The following NTRK3 variants were observed in gnomAD, a reference collection of about 807,000 sequenced individuals.
NTRK3 encodes the protein NT-3 growth factor receptor.
A neutral mutation model predicts 91.7 loss-of-function variants in NTRK3; 24 were observed. The ratio of observed to expected loss-of-function variants is 0.26; its 90% CI spans 0.19 to 0.37. The LOEUF (loss-of-function observed/expected upper bound fraction) is 0.37. Among genes scored for constraint, NTRK3 ranks in the 10% least tolerant of loss-of-function variants. The pLI is 1.00. For missense variants in NTRK3, 880 were observed against 1,068.9 expected (o/e 0.82, Z 2.46); for synonymous variants, 483 against 404.0 (o/e 1.20, Z -2.34).
intron 13 of NTRK3, among the ~76,000 whole-genome samples, chr15:88,065,543 T>C (rs147242666): frequency 4.6e-5 from 7 of 152,220 alleles, no homozygotes; most frequent in African/African-American, 1.7e-4. Context: ...ACTGGGCAGA[T>C]ACCCCAGAAT....
chr15:88,120,254 C>T (rs554680028), intron 13 of NTRK3, among the ~76,000 whole-genome samples: 35 of 152,368 alleles, frequency 2.3e-4, no homozygotes, highest in African/African-American at 7.5e-4. Context: ...AATCAAGACT[C>T]TGGCAGGATT....
At chr15:87,931,190 G>T (rs989811) in intron 16 of NTRK3, 1 of 517,504 alleles carries the variant, frequency 1.9e-6, no homozygotes, top group African/African-American at 1.9e-5. Context: ...GAGGCACCTA[G>T]GAGCTTTCTT....
intron 14 of NTRK3, among the ~76,000 whole-genome samples, chr15:88,011,648 G>A (rs904288142): frequency 6.6e-6 from 1 of 152,148 alleles, no homozygotes; most frequent in African/African-American, 2.4e-5. Flanking sequence ...TCCTGGCAGT[G>A]TATGCATGAG....
chr15:88,166,399 T>G (rs1206672772), intron 5 of NTRK3, among the ~76,000 whole-genome samples: 1 of 152,162 alleles, frequency 6.6e-6, no homozygotes, highest in Non-Finnish European at 1.5e-5. Flanking sequence ...GCCAAGGCAG[T>G]GGCATTCGCT....
At chr15:88,155,817 TATC>T (rs2043839065) in intron 5 of NTRK3, among the ~76,000 whole-genome samples, 1 of 147,410 alleles carries the variant, frequency 6.8e-6, no homozygotes, top group Non-Finnish European at 1.5e-5. Flanking sequence ...TCTATCTATC[TATC>T]TATCTATCTA....
chr15:88,236,761 C>T (rs1187012930), intron 3 of NTRK3, among the ~76,000 whole-genome samples: 13 of 141,926 alleles, frequency 9.2e-5, no homozygotes, highest in African/African-American at 3.1e-4. Flanking sequence ...CCAAAAGCTA[C>T]CAAAATTAAA....
intron 14 of NTRK3, among the ~76,000 whole-genome samples, chr15:87,999,792 A>C (rs1319159361): frequency 6.6e-6 from 1 of 152,222 alleles, no homozygotes; most frequent in Admixed American, 6.5e-5. Flanking sequence ...TTACTAAAGA[A>C]TACAAATGAT....
intron 14 of NTRK3, among the ~76,000 whole-genome samples, chr15:87,974,922 C>T (rs1421545478): frequency 6.6e-6 from 1 of 152,100 alleles, no homozygotes; most frequent in East Asian, 1.9e-4. Context: ...ACAATCATAG[C>T]CTTCCAGGAG....
At chr15:87,997,710 T>A (rs895350792) in intron 14 of NTRK3, among the ~76,000 whole-genome samples, 3 of 152,152 alleles carry the variant, frequency 2.0e-5, no homozygotes, top group African/African-American at 7.2e-5. Flanking sequence ...AAATATGAAA[T>A]TGAGGTACGT....
At chr15:88,041,553 T>C (rs1037456398) in intron 13 of NTRK3, among the ~76,000 whole-genome samples, 10 of 152,138 alleles carry the variant, frequency 6.6e-5, no homozygotes, top group South Asian at 2.1e-4. Context: ...TCACATTCCC[T>C]TTTTCCTGGG....
At chr15:88,110,678 G>A (rs560812282) in intron 13 of NTRK3, among the ~76,000 whole-genome samples, 2 of 152,314 alleles carry the variant, frequency 1.3e-5, no homozygotes, top group Non-Finnish European at 2.9e-5. Flanking sequence ...GTGCTACAGA[G>A]GGAAGGTGCA....
At chr15:88,180,213 G>A (rs2046337344) in intron 5 of NTRK3, among the ~76,000 whole-genome samples, 2 of 152,248 alleles carry the variant, frequency 1.3e-5, no homozygotes, top group Middle Eastern at 3.4e-3. Flanking sequence ...TTGGCATACA[G>A]CTATTGCAAT....
chr15:88,184,221 T>C lies in NTRK3; in HGVS notation c.323+4A>G, dbSNP rs1006531098. Reference sequence around the variant, plus strand: ...AAGGCCTCTCTGTGGCCGGGTGTACTCACAGCTTTTGAAGTCCGGTGTAGA... The same window carrying C: ...AAGGCCTCTCTGTGGCCGGGTGTACCCACAGCTTTTGAAGTCCGGTGTAGA... On this transcript the variant is annotated splice_donor_region_variant and intron_variant, in intron 4 of 18. Coordinates refer to ENST00000394480, the Ensembl canonical transcript of NTRK3. The C allele has an allele frequency of 6.2e-7, 1 of 1,614,064 alleles. No homozygotes were observed. Among genetic ancestry groups the C allele is most frequent in the South Asian group, 1.1e-5 (1 of 91,046 alleles).
At chr15:87,887,203 T>C (rs1007010648) in intron 17 of NTRK3, among the ~76,000 whole-genome samples, 2 of 152,172 alleles carry the variant, frequency 1.3e-5, no homozygotes, top group Non-Finnish European at 2.9e-5. Flanking sequence ...TAATTGGTCA[T>C]GGAGACTCCC....
At chr15:88,043,963 C>T (rs146317193) in intron 13 of NTRK3, among the ~76,000 whole-genome samples, 1 of 152,266 alleles carries the variant, frequency 6.6e-6, no homozygotes, top group African/African-American at 2.4e-5. Flanking sequence ...TTTCTAAGTA[C>T]ACATGGAGTC....
intron 14 of NTRK3, among the ~76,000 whole-genome samples, chr15:88,025,951 T>C (rs2141942516): frequency 6.6e-6 from 1 of 152,220 alleles, no homozygotes; most frequent in East Asian, 1.9e-4. Flanking sequence ...AGAAAGACTT[T>C]GTCTCAAAAA....
chr15:88,207,999 G>A (rs1420761808), intron 3 of NTRK3, among the ~76,000 whole-genome samples: 2 of 152,054 alleles, frequency 1.3e-5, no homozygotes, highest in Non-Finnish European at 2.9e-5. Context: ...CCAAAGGCAT[G>A]AGGCAAGTAA....
intron 5 of NTRK3, among the ~76,000 whole-genome samples, chr15:88,156,998 G>C (rs1179704616): frequency 6.6e-6 from 1 of 152,076 alleles, no homozygotes; most frequent in Non-Finnish European, 1.5e-5. Context: ...ACTCTGCAGA[G>C]ACCTCAGCAG....
intron 18 of NTRK3, among the ~76,000 whole-genome samples, chr15:87,879,281 C>T (rs76348266): frequency 0.047 from 7,221 of 152,098 alleles, 202 homozygotes; most frequent in Middle Eastern, 0.085. Flanking sequence ...TTACATTTTC[C>T]CAGCAAACAG....
Sources: gnomAD v4.1 joint callset for allele counts (sites outside exome capture counted in the v4.1 genomes callset) on GRCh38, gnomAD v4.1.1 for gene constraint, MANE v1.5 for transcripts, NCBI Gene and HGNC (gene_info 2026-07-23, HGNC 2026-07-21) for gene names.